The following SV2B variants were observed in gnomAD, a reference collection of about 807,000 sequenced individuals.
SV2B encodes the protein synaptic vesicle glycoprotein 2B, also known as solute carrier family 22 member B2.
In SV2B, 41 loss-of-function variants were observed where a neutral mutation model predicts 73.9. The observed-to-expected ratio is 0.56, with a 90% CI of 0.43 to 0.72. SV2B has a LOEUF of 0.72. Among genes scored for constraint, SV2B ranks in the 30% least tolerant of loss-of-function variants. The probability of loss-of-function intolerance (pLI) is 0.00; values close to 1 mark genes in which losing one functional copy is unlikely to be tolerated. For synonymous variants in SV2B, 314 were observed against 314.2 expected (o/e 1.00, Z 0.01); for missense variants, 764 against 857.8 (o/e 0.89, Z 1.37).
At chr15:91,155,234 G>T (rs1335697936) in intron 1 of SV2B, among the ~76,000 whole-genome samples, 1 of 152,144 alleles carries the variant, frequency 6.6e-6, no homozygotes, top group Non-Finnish European at 1.5e-5. Flanking sequence ...GGAGTAACCT[G>T]CAGGGGAGGA....
At chr15:91,246,241 T>C (rs1043044880) in intron 2 of SV2B, among the ~76,000 whole-genome samples, 1 of 152,208 alleles carries the variant, frequency 6.6e-6, no homozygotes, top group South Asian at 2.1e-4. Context: ...TCTATCCTTT[T>C]TCCTCATATT....
chr15:91,238,460 T>A (rs1186512667), intron 2 of SV2B, among the ~76,000 whole-genome samples: 1 of 152,214 alleles, frequency 6.6e-6, no homozygotes, highest in African/African-American at 2.4e-5. Flanking sequence ...GTCTGTTGCT[T>A]CTCCTTTATC....
intron 9 of SV2B, among the ~76,000 whole-genome samples, chr15:91,276,805 G>GTTATTATTATTATTATTATTATTA (rs3082230): frequency 5.2e-4 from 48 of 92,120 alleles, no homozygotes; most frequent in African/African-American, 1.4e-3. Context: ...TATTGTTGTT[G>GTTATTATTATTATTATTATTATTA]TTATTATTAT....
At position 91,139,919 on chromosome 15, in the gene SV2B, G is replaced by T. The variant is rs1428262466; in HGVS notation, c.-392+39556G>T. The stretch of plus-strand genomic sequence containing the variant: ...TCCGGCCACTTTGTTCCTAGAGTTT[G>T]GTGAGAGTGACAGCCTGCGTCTCAG... On this transcript the variant is annotated intron_variant, in intron 1 of 12. Coordinates refer to ENST00000394232, the MANE Select transcript of SV2B (RefSeq NM_001323032.3). This position sits in a 1 kb window ranked among gnomAD's most constrained non-coding sequence, Gnocchi z 5.2. Among the ~76,000 whole-genome samples the T allele has an allele frequency of 6.6e-6, 1 of 152,198 alleles. No homozygotes were observed. The highest frequency in any genetic ancestry group is 1.9e-4 in the East Asian group (1 of 5,202).
chr15:91,179,211 G>A (rs1324326140), intron 1 of SV2B, among the ~76,000 whole-genome samples: 1 of 152,124 alleles, frequency 6.6e-6, no homozygotes, highest in Non-Finnish European at 1.5e-5. Flanking sequence ...TTTTGAGTGA[G>A]TTTCTTAATC....
At chr15:91,138,741 T>C (rs1190677690) in intron 1 of SV2B, among the ~76,000 whole-genome samples, 1 of 152,210 alleles carries the variant, frequency 6.6e-6, no homozygotes, top group Non-Finnish European at 1.5e-5. Flanking sequence ...GATATGTAAA[T>C]ACTATGTCTT....
At chr15:91,109,200 C>A (rs1205934591) in intron 1 of SV2B, among the ~76,000 whole-genome samples, 1 of 152,240 alleles carries the variant, frequency 6.6e-6, no homozygotes, top group Admixed American at 6.5e-5. Context: ...GATGCACAAT[C>A]TCATTTGTTT....
At position 91,122,227 on chromosome 15, in the gene SV2B, G is replaced by C. The variant is rs1352446805; in HGVS notation, c.-392+21864G>C. ...TCTCATCGATATATGTTCCATTAAAGCCAGGGGTGTCGTAGATGCAGGTAC... is the reference window on the plus strand; with the variant it reads ...TCTCATCGATATATGTTCCATTAAACCCAGGGGTGTCGTAGATGCAGGTAC... On this transcript the variant is annotated intron_variant, in intron 1 of 12. Coordinates refer to ENST00000394232, the MANE Select transcript of SV2B (RefSeq NM_001323032.3). This position sits in a 1 kb window ranked among gnomAD's most constrained non-coding sequence, Gnocchi z 4.3. 6.6e-6 allele frequency among the ~76,000 whole-genome samples: 1 copy of C among 152,180 alleles called. No homozygotes were observed.
intron 1 of SV2B, among the ~76,000 whole-genome samples, chr15:91,104,526 T>C (rs55731752): frequency 0.015 from 2,329 of 152,322 alleles, 67 homozygotes; most frequent in African/African-American, 0.052. Flanking sequence ...CACTTCTTGA[T>C]AGGAGGAGCT....
At chr15:91,150,232 C>G (rs2188461) in intron 1 of SV2B, among the ~76,000 whole-genome samples, 75,494 of 151,804 alleles carry the variant, frequency 0.5, 20,434 homozygotes, top group East Asian at 0.94. Flanking sequence ...GTCTCGAACT[C>G]CTGACCTCAG....
intron 1 of SV2B, among the ~76,000 whole-genome samples, chr15:91,177,207 T>C (rs2044346129): frequency 6.6e-6 from 1 of 152,112 alleles, no homozygotes; most frequent in African/African-American, 2.4e-5. Context: ...GTTGTAAATA[T>C]GCGGCATTAT....
At chr15:91,164,035 T>G (rs766687070) in intron 1 of SV2B, among the ~76,000 whole-genome samples, 3 of 152,196 alleles carry the variant, frequency 2.0e-5, no homozygotes, top group Non-Finnish European at 4.4e-5. Context: ...TTACCCCATT[T>G]CTTGTTTTTA....
Position 91,226,607 on chromosome 15 carries a change from TG to T in SV2B, c.347del (p.Gly116ValfsTer4). The T allele has an allele frequency of 6.2e-7, 1 of 1,614,162 alleles. No individual in the cohort carries two copies. ...GRFQWILFFVLGLALMADGVE... is the reference protein window; with the variant it reads ...GRFQWILFFVXGLALMADGVE... Reference sequence around the variant, plus strand: ...TTCCAGTGGATCCTCTTTTTCGTCTTGGGTTTGGCCCTGATGGCCGATGGGG... The same window carrying T: ...TTCCAGTGGATCCTCTTTTTCGTCTTGGTTTGGCCCTGATGGCCGATGGGG... On this transcript the variant is annotated frameshift_variant, in exon 2 of 13. Transcript: ENST00000394232. LOFTEE classifies it high-confidence loss of function.
In SV2B at chr15:91,224,240, G is replaced by A. The variant is rs1342599575; in HGVS notation, c.-391-1633G>A. On this transcript the variant is annotated intron_variant, in intron 1 of 12. Transcript: ENST00000394232. The surrounding 1 kb of genome is among the most constrained non-coding windows in gnomAD (Gnocchi z 4.9). ...GTGACATCTGCTGAGCATGCTGAAA[G>A]GACAGTGGATTTCAGGTGTGACAGG... Among the ~76,000 whole-genome samples, 1 of 152,238 alleles carries A rather than the reference G, an allele frequency of 6.6e-6. No homozygotes were observed. The highest frequency in any genetic ancestry group is 1.5e-5 in the Non-Finnish European group (1 of 68,048).
rs1567395892 is a variant in SV2B, at chr15:91,252,489, T to C, written c.753T>C (p.Ser251=). The C allele has an allele frequency of 6.2e-7, 1 of 1,612,804 alleles. No homozygotes were observed. Reference sequence around the variant, plus strand: ...GGATGACTGGGGGCCTGTACGCATCTGCCATGGCCTGGAGCATCATCCCAC... The same window carrying C: ...GGATGACTGGGGGCCTGTACGCATCCGCCATGGCCTGGAGCATCATCCCAC... ...IFWMTGGLYA[S]AMAWSIIPHY... The change falls in exon 4 of 13, where the codon TCT becomes TCC. Residue 251 remains serine (S), a synonymous_variant. Transcript: ENST00000394232. The surrounding 1 kb of genome is among the most constrained non-coding windows in gnomAD (Gnocchi z 4.6).
chr15:91,105,330 G>A lies in SV2B; in HGVS notation c.-392+4967G>A, dbSNP rs543196365. Among the ~76,000 whole-genome samples the A allele has an allele frequency of 2.2e-4, 34 of 152,342 alleles. No individual in the cohort carries two copies. Among genetic ancestry groups the A allele is most frequent in the African/African-American group, 7.7e-4 (32 of 41,588 alleles). ...GGGTATTTTATGCAAGGTGGTCAGGGTGACATGAAGGAAGTGAAGGAGTGA... is the reference window on the plus strand; with the variant it reads ...GGGTATTTTATGCAAGGTGGTCAGGATGACATGAAGGAAGTGAAGGAGTGA... On this transcript the variant is annotated intron_variant, in intron 1 of 12. Transcript: ENST00000394232. The surrounding 1 kb of genome is among the most constrained non-coding windows in gnomAD (Gnocchi z 5.5).
At chr15:91,148,446 G>A (rs1257336456) in intron 1 of SV2B, among the ~76,000 whole-genome samples, 1 of 152,170 alleles carries the variant, frequency 6.6e-6, no homozygotes, top group Non-Finnish European at 1.5e-5. Flanking sequence ...GAGAAGCGAT[G>A]AGGCGTGCTG....
At chr15:91,102,338 G>C (rs2041753375) in intron 1 of SV2B, 1 of 152,220 alleles carries the variant, frequency 6.6e-6, no homozygotes, top group Non-Finnish European at 1.5e-5. Context: ...TCTTGGGCAA[G>C]TTACTCAGCC....
chr15:91,255,559 T>TCACCACTA (rs544890661), intron 4 of SV2B, among the ~76,000 whole-genome samples: 8 of 152,228 alleles, frequency 5.3e-5, no homozygotes, highest in Middle Eastern at 3.4e-3. Flanking sequence ...ATCTCACAAA[T>TCACCACTA]CACCACTAGA....
Sources: gnomAD v4.1 joint callset for allele counts (sites outside exome capture counted in the v4.1 genomes callset) on GRCh38, gnomAD v4.1.1 for gene constraint, Gnocchi (gnomAD v3.1) non-coding constraint, MANE v1.5 for transcripts, NCBI Gene and HGNC (gene_info 2026-07-23, HGNC 2026-07-21) for gene names.